The following MAPKAP1 variants were observed in gnomAD, a reference collection of about 807,000 sequenced individuals.
MAPKAP1 encodes target of rapamycin complex 2 subunit MAPKAP1.
MAPKAP1 carries 20 observed loss-of-function variants against 65.7 expected under a neutral mutation model. That is an observed-to-expected ratio of 0.30 (90% confidence interval 0.21 to 0.44). The LOEUF (loss-of-function observed/expected upper bound fraction) is 0.44, where lower values mean the gene tolerates loss of function less well. Among genes scored for constraint, MAPKAP1 ranks in the 20% least tolerant of loss-of-function variants. MAPKAP1 has a pLI of 1.00. For synonymous variants in MAPKAP1, 222 were observed against 244.3 expected (o/e 0.91, Z 0.85); for missense variants, 423 against 648.0 (o/e 0.65, Z 3.77).
chr9:125,473,086 T>TA (rs1459271977), intron 9 of MAPKAP1, among the ~76,000 whole-genome samples: 2 of 152,038 alleles, frequency 1.3e-5, no homozygotes, highest in Non-Finnish European at 2.9e-5. Flanking sequence ...AACTTTTTTT[T>TA]TTTTTTTTTT....
chr9:125,453,912 T>G (rs1027913018), intron 10 of MAPKAP1, among the ~76,000 whole-genome samples: 4 of 152,232 alleles, frequency 2.6e-5, no homozygotes, highest in African/African-American at 9.6e-5. Flanking sequence ...AGTTTGAACT[T>G]CATCACTGGC....
intron 4 of MAPKAP1, among the ~76,000 whole-genome samples, chr9:125,630,375 C>T (rs1833246373): frequency 1.3e-5 from 2 of 152,032 alleles, no homozygotes; most frequent in Admixed American, 1.3e-4. Flanking sequence ...CAAGTGATTC[C>T]CCAGTCTCAG....
chr9:125,629,538 A>C (rs1833213804), intron 4 of MAPKAP1, among the ~76,000 whole-genome samples: 1 of 152,210 alleles, frequency 6.6e-6, no homozygotes, highest in Non-Finnish European at 1.5e-5. Flanking sequence ...TATTACTACC[A>C]TATATCTTAT....
intron 4 of MAPKAP1, among the ~76,000 whole-genome samples, chr9:125,598,976 G>C (rs755123356): frequency 4.7e-5 from 7 of 149,556 alleles, no homozygotes; most frequent in Non-Finnish European, 7.4e-5. Flanking sequence ...GGAGGCGGAG[G>C]TTACAGTGAG....
At chr9:125,642,736 C>T (rs1409580069) in intron 4 of MAPKAP1, among the ~76,000 whole-genome samples, 1 of 152,144 alleles carries the variant, frequency 6.6e-6, no homozygotes, top group Non-Finnish European at 1.5e-5. Flanking sequence ...TGTGCTTTTC[C>T]CTTTGCAATA....
intron 10 of MAPKAP1, among the ~76,000 whole-genome samples, chr9:125,458,349 C>T (rs970919867): frequency 6.6e-6 from 1 of 151,726 alleles, no homozygotes; most frequent in Non-Finnish European, 1.5e-5. Flanking sequence ...TTTTCCTAGG[C>T]AGAGGACCCT....
At chr9:125,491,280 C>CA (rs1854711952) in intron 8 of MAPKAP1, among the ~76,000 whole-genome samples, 1 of 151,512 alleles carries the variant, frequency 6.6e-6, no homozygotes, top group Non-Finnish European at 1.5e-5. Context: ...TCTGACTCTA[C>CA]AAAAAATACA....
intron 1 of MAPKAP1, among the ~76,000 whole-genome samples, chr9:125,702,680 T>C (rs1164252937): frequency 6.6e-6 from 1 of 151,364 alleles, no homozygotes; most frequent in African/African-American, 2.4e-5. Context: ...GGCAAAACCC[T>C]GTCTCTACTA....
intron 4 of MAPKAP1, among the ~76,000 whole-genome samples, chr9:125,651,216 A>G (rs1224575759): frequency 6.6e-6 from 1 of 152,236 alleles, no homozygotes; most frequent in Non-Finnish European, 1.5e-5. Context: ...TAGACTAACA[A>G]AAACTGATCT....
intron 4 of MAPKAP1, among the ~76,000 whole-genome samples, chr9:125,645,256 T>G (rs557458845): frequency 2.0e-5 from 3 of 152,014 alleles, no homozygotes; most frequent in Admixed American, 6.6e-5. Flanking sequence ...AACCCCAGCC[T>G]CCTCACAAAA....
intron 1 of MAPKAP1, among the ~76,000 whole-genome samples, chr9:125,689,007 T>C (rs1835073408): frequency 2.0e-5 from 3 of 152,254 alleles, no homozygotes; most frequent in Admixed American, 2.0e-4. Flanking sequence ...TACAGAGACT[T>C]ATCAGTTCAT....
intron 4 of MAPKAP1, among the ~76,000 whole-genome samples, chr9:125,657,310 T>C (rs1344483539): frequency 6.6e-6 from 1 of 151,928 alleles, no homozygotes; most frequent in Non-Finnish European, 1.5e-5. Flanking sequence ...CATATATATA[T>C]AAACATATGT....
chr9:125,542,244 T>C (rs1424242780), intron 7 of MAPKAP1, among the ~76,000 whole-genome samples: 7 of 152,218 alleles, frequency 4.6e-5, no homozygotes, highest in African/African-American at 1.4e-4. Context: ...AGATAGCTAA[T>C]TAAATCTGGA....
intron 5 of MAPKAP1, 127 bp downstream of exon 5, chr9:125,585,428 C>A: frequency 1.0e-6 from 1 of 966,176 alleles, no homozygotes. Context: ...TGGTGAGCAC[C>A]CAGAGCTGGA....
At chr9:125,529,746 T>C (rs1365891978) in intron 7 of MAPKAP1, among the ~76,000 whole-genome samples, 1 of 152,172 alleles carries the variant, frequency 6.6e-6, no homozygotes, top group East Asian at 1.9e-4. Flanking sequence ...CATACTGTGA[T>C]TAGTAGCTAG....
intron 5 of MAPKAP1, among the ~76,000 whole-genome samples, chr9:125,571,201 G>A (rs1589297505): frequency 6.6e-6 from 1 of 152,292 alleles, no homozygotes. Context: ...ATATAACTTA[G>A]TGTATGTAAT....
intron 1 of MAPKAP1, among the ~76,000 whole-genome samples, chr9:125,693,630 CAT>C (rs1835257970): frequency 6.8e-6 from 1 of 146,604 alleles, no homozygotes; most frequent in Non-Finnish European, 1.5e-5. Context: ...CATATATACA[CAT>C]ATACACACAC....
At position 125,659,265 on chromosome 9, in the gene MAPKAP1, T is replaced by C. The variant is rs549770442; in HGVS notation, c.350-1466A>G. ...CTGGCACAGTCACAGTCTTCACAGATCCTAAGAGAGATGTTACTACTAGCT... is the reference window on the plus strand; with the variant it reads ...CTGGCACAGTCACAGTCTTCACAGACCCTAAGAGAGATGTTACTACTAGCT... On this transcript the variant is annotated intron_variant, in intron 3 of 11. Transcript: ENST00000265960. Among the ~76,000 whole-genome samples the C allele has an allele frequency of 2.6e-4, 40 of 152,238 alleles. 1 individual carries two copies. The South Asian group carries it at 7.7e-3, about 29-fold the overall frequency.
chr9:125,681,918 C>A (rs1834833640), intron 1 of MAPKAP1, among the ~76,000 whole-genome samples: 1 of 152,096 alleles, frequency 6.6e-6, no homozygotes, highest in South Asian at 2.1e-4. Flanking sequence ...CACCACCACA[C>A]CCAGCTAATT....
Sources: allele counts gnomAD v4.1 joint callset (sites outside exome capture counted in the v4.1 genomes callset), GRCh38; gene constraint gnomAD v4.1.1; transcripts MANE v1.5; gene names NCBI Gene and HGNC (gene_info 2026-07-23, HGNC 2026-07-21).